Variants in FYB1 observed in about 807,000 individuals in gnomAD.
FYB1 encodes the protein FYN binding protein 1.
A neutral mutation model predicts 94.1 loss-of-function variants in FYB1; 41 were observed. That is an observed-to-expected ratio of 0.44 (90% confidence interval 0.34 to 0.57). The LOEUF (loss-of-function observed/expected upper bound fraction) is 0.57. FYB1 is among the 20% of genes least tolerant of loss of function. FYB1 has a pLI of 0.02. For synonymous variants in FYB1, 367 were observed against 353.2 expected, an observed-to-expected ratio of 1.04 and a Z score of -0.44; for missense variants, 1,050 against 976.8, an observed-to-expected ratio of 1.07 and a Z score of -1.00.
At position 39,202,157 on chromosome 5, in the gene FYB1, C is replaced by A. The variant is rs371334972; in HGVS notation, c.804G>T (p.Ala268=). Residue 268 remains alanine (A), a synonymous_variant, in exon 2 of 19, where the codon GCG becomes GCT. Coordinates refer to ENST00000512982, the MANE Select transcript of FYB1 (RefSeq NM_001465.6). The part of the protein sequence containing the change: ...PFPGVVLKPA[A]SRGGPGLSKN... ...TGGAGAGACCTGGGCCTCCCCTGCT[C>A]GCAGCAGGTTTCAAAACCACTCCAG... The A allele has an allele frequency of 1.9e-6, 3 of 1,614,022 alleles. No individual in the cohort carries two copies. Among genetic ancestry groups the A allele is most frequent in the East Asian group, 4.5e-5 (2 of 44,874 alleles).
intron 2 of FYB1, among the ~76,000 whole-genome samples, chr5:39,167,902 G>T (rs1346459343): frequency 1.3e-5 from 2 of 152,062 alleles, no homozygotes; most frequent in African/African-American, 4.8e-5. Context: ...ATCCTCCAGG[G>T]CATCAGCTTA....
intron 16 of FYB1, chr5:39,110,677 G>A (rs1738987773): frequency 3.2e-6 from 1 of 308,774 alleles, no homozygotes; most frequent in Non-Finnish European, 6.1e-6. Flanking sequence ...TTAAGCTACT[G>A]TAGGCTGTAG....
chr5:39,184,920 C>T (rs142571639), intron 2 of FYB1, among the ~76,000 whole-genome samples: 102 of 152,188 alleles, frequency 6.7e-4, no homozygotes, highest in African/African-American at 2.4e-3. Context: ...AATATTAATT[C>T]ATTAATTATA....
chr5:39,138,819 G>C (rs1045024124), intron 5 of FYB1, 128 bp from the exon 6 acceptor site: 1 of 695,742 alleles, frequency 1.4e-6, no homozygotes, highest in East Asian at 2.8e-5. Flanking sequence ...ATATTAAATG[G>C]TCCAGAGGAA....
chr5:39,229,934 T>G lies in FYB1; in HGVS notation c.-27-26947A>C, dbSNP rs140434461. On this transcript the variant is annotated intron_variant, in intron 1 of 1. Coordinates refer to the FYB1 transcript ENST00000510188. ...GTTCAATTAAATCACAGTACTTGAGTGAGGTGCCTGGGCATCTGTACTCTT... is the reference window on the plus strand; with the variant it reads ...GTTCAATTAAATCACAGTACTTGAGGGAGGTGCCTGGGCATCTGTACTCTT... Among the ~76,000 whole-genome samples the G allele has an allele frequency of 3.2e-4, 48 of 152,150 alleles. 1 individual carries two copies. The East Asian group carries it at 6.6e-3, about 21-fold the overall frequency.
chr5:39,189,792 G>A (rs779365922), intron 2 of FYB1, among the ~76,000 whole-genome samples: 2 of 152,214 alleles, frequency 1.3e-5, no homozygotes, highest in South Asian at 2.1e-4. Context: ...TCAAACCTTC[G>A]GTGAAGCCTG....
intron 1 of FYB1, among the ~76,000 whole-genome samples, chr5:39,252,450 ATTTTTGAT>A (rs1292653176): frequency 2.6e-5 from 4 of 152,218 alleles, no homozygotes; most frequent in Non-Finnish European, 5.9e-5. Context: ...TCTTTAATAT[ATTTTTGAT>A]CACACACACA....
chr5:39,232,286 C>CCAG (rs1750777871), intron 1 of FYB1, among the ~76,000 whole-genome samples: 1 of 151,998 alleles, frequency 6.6e-6, no homozygotes, highest in African/African-American at 2.4e-5. Context: ...CATCAGTAGC[C>CCAG]CATATTACCC....
At chr5:39,174,045 C>T (rs767773554) in intron 2 of FYB1, among the ~76,000 whole-genome samples, 4 of 152,074 alleles carry the variant, frequency 2.6e-5, no homozygotes, top group Non-Finnish European at 5.9e-5. Flanking sequence ...GGCAGTATGG[C>T]CATTTTAATG....
chr5:39,154,564 C>T (rs182278143), intron 2 of FYB1, among the ~76,000 whole-genome samples: 3 of 149,970 alleles, frequency 2.0e-5, no homozygotes, highest in Admixed American at 6.7e-5. Context: ...TGGAGTGCAG[C>T]GGTGCGATCT....
intron 3 of FYB1, among the ~76,000 whole-genome samples, chr5:39,152,999 A>C (rs1743378596): frequency 6.6e-6 from 1 of 152,228 alleles, no homozygotes; most frequent in African/African-American, 2.4e-5. Context: ...TCTGTGAAAT[A>C]ATGATGATAC....
chr5:39,146,279 C>T (rs988512161), intron 3 of FYB1, among the ~76,000 whole-genome samples: 4 of 152,120 alleles, frequency 2.6e-5, no homozygotes, highest in Admixed American at 2.0e-4. Context: ...TTTCCTTAAG[C>T]CTAATCATTG....
At chr5:39,270,568 C>A (rs1752632851) in intron 1 of FYB1, 1 of 1,534,930 alleles carries the variant, frequency 6.5e-7, no homozygotes, top group Non-Finnish European at 8.7e-7. Flanking sequence ...CTATTACTTA[C>A]CATTTTTATT....
At chr5:39,257,065 G>T (rs570673676) in intron 1 of FYB1, among the ~76,000 whole-genome samples, 2 of 152,288 alleles carry the variant, frequency 1.3e-5, no homozygotes, top group Admixed American at 1.3e-4. Flanking sequence ...AGATTCAGCA[G>T]ATGTTAATTT....
upstream of FYB1, among the ~76,000 whole-genome samples, chr5:39,220,294 C>T (rs186394467): frequency 5.3e-4 from 81 of 151,498 alleles, no homozygotes; most frequent in African/African-American, 1.9e-3. Context: ...GCCTGTAGCC[C>T]CAGACATTTG....
chr5:39,141,943 G>A (rs1032798202), intron 3 of FYB1, among the ~76,000 whole-genome samples: 5 of 151,282 alleles, frequency 3.3e-5, no homozygotes, highest in African/African-American at 9.7e-5. Flanking sequence ...CTTTTGTCTT[G>A]GCTTCACTTT....
chr5:39,157,355 G>A (rs1262582999), intron 2 of FYB1, among the ~76,000 whole-genome samples: 1 of 152,110 alleles, frequency 6.6e-6, no homozygotes, highest in Non-Finnish European at 1.5e-5. Context: ...AGTGTTTTCA[G>A]TTTAATGCAG....
chr5:39,156,574 G>A (rs1342183880), intron 2 of FYB1, among the ~76,000 whole-genome samples: 1 of 152,184 alleles, frequency 6.6e-6, no homozygotes, highest in Non-Finnish European at 1.5e-5. Flanking sequence ...ATCAAGCTTG[G>A]GAGAACATAT....
At chr5:39,122,646 G>GA (rs1201378536) in intron 13 of FYB1, among the ~76,000 whole-genome samples, 3 of 152,012 alleles carry the variant, frequency 2.0e-5, no homozygotes, top group East Asian at 3.9e-4. Context: ...TCGTTATCTG[G>GA]AAAAAAACTC....
Sources: allele counts gnomAD v4.1 joint callset (sites outside exome capture counted in the v4.1 genomes callset), GRCh38; gene constraint gnomAD v4.1.1; transcripts MANE v1.5; gene names NCBI Gene and HGNC (gene_info 2026-07-23, HGNC 2026-07-21).